ADK: variants seen among roughly 807,000 people sequenced by gnomAD.
The protein encoded by ADK is N6,N6-dimethyladenosine kinase.
A neutral mutation model predicts 44.7 loss-of-function variants in ADK; 24 were observed. The ratio of observed to expected loss-of-function variants is 0.54; its 90% CI spans 0.39 to 0.76. The LOEUF (loss-of-function observed/expected upper bound fraction) is 0.76, where lower values mean the gene tolerates loss of function less well. ADK is among the 30% of genes least tolerant of loss of function. The pLI is 0.00. For missense variants in ADK, 321 were observed against 425.1 expected, an observed-to-expected ratio of 0.76 and a Z score of 2.15; for synonymous variants, 128 against 142.6, an observed-to-expected ratio of 0.90 and a Z score of 0.73.
chr10:74,653,762 A>G (rs1326378091), intron 9 of ADK, among the ~76,000 whole-genome samples: 1 of 152,228 alleles, frequency 6.6e-6, no homozygotes, highest in Non-Finnish European at 1.5e-5. Flanking sequence ...TAGACAAGTA[A>G]TCTGTGAATC....
chr10:74,381,200 A>G (rs2132005259), intron 4 of ADK, among the ~76,000 whole-genome samples: 1 of 152,354 alleles, frequency 6.6e-6, no homozygotes, highest in South Asian at 2.1e-4. Context: ...ATTGTTTATT[A>G]TAACTTAAAA....
chr10:74,281,368 G>A (rs1227912278), intron 3 of ADK, among the ~76,000 whole-genome samples: 4 of 152,210 alleles, frequency 2.6e-5, no homozygotes, highest in African/African-American at 7.2e-5. Flanking sequence ...GGCCTTGAGA[G>A]CCAGTTCATT....
At chr10:74,296,816 G>C (rs1055019115) in intron 3 of ADK, among the ~76,000 whole-genome samples, 1 of 151,694 alleles carries the variant, frequency 6.6e-6, no homozygotes, top group Non-Finnish European at 1.5e-5. Flanking sequence ...GGGTTTCTCC[G>C]TGTTAGCCAG....
chr10:74,397,300 G>A (rs971700528), intron 5 of ADK, among the ~76,000 whole-genome samples: 4 of 150,968 alleles, frequency 2.6e-5, no homozygotes, highest in Middle Eastern at 3.4e-3. Flanking sequence ...GAAGAGAATT[G>A]AGGTTTTTTT....
intron 4 of ADK, among the ~76,000 whole-genome samples, chr10:74,322,004 A>C (rs2131823920): frequency 6.6e-6 from 1 of 152,362 alleles, no homozygotes; most frequent in Non-Finnish European, 1.5e-5. Flanking sequence ...TACAGTATTT[A>C]GAAGTTAAAA....
At chr10:74,540,908 A>G (rs1179778969) in intron 7 of ADK, among the ~76,000 whole-genome samples, 1 of 152,268 alleles carries the variant, frequency 6.6e-6, no homozygotes, top group East Asian at 1.9e-4. Context: ...CAGAGAAAAT[A>G]GGAGTCAAGA....
At chr10:74,292,448 A>G (rs1839656279) in intron 3 of ADK, among the ~76,000 whole-genome samples, 1 of 152,190 alleles carries the variant, frequency 6.6e-6, no homozygotes, top group Non-Finnish European at 1.5e-5. Flanking sequence ...TCATAGCAAT[A>G]TTGGAGGATT....
intron 1 of ADK, among the ~76,000 whole-genome samples, chr10:74,157,121 C>T (rs1841767591): frequency 6.6e-6 from 1 of 152,126 alleles, no homozygotes; most frequent in Admixed American, 6.5e-5. Context: ...GGCTGAGCTG[C>T]CAGATGGCTC....
At chr10:74,295,236 C>A (rs866567264) in intron 3 of ADK, among the ~76,000 whole-genome samples, 12 of 151,604 alleles carry the variant, frequency 7.9e-5, no homozygotes, top group Non-Finnish European at 1.3e-4. Context: ...CCAAAGCGGG[C>A]AGATCACCTG....
intron 4 of ADK, among the ~76,000 whole-genome samples, chr10:74,388,813 C>A (rs1246622296): frequency 8.4e-6 from 1 of 119,368 alleles, no homozygotes; most frequent in Non-Finnish European, 2.1e-5. Flanking sequence ...CTAGCCATAG[C>A]CTCAAGGGTT....
Position 74,589,350 on chromosome 10 carries a change from T to C in ADK, c.762+33T>C, listed in dbSNP as rs1252852810. The C allele has an allele frequency of 2.5e-6, 4 of 1,610,238 alleles. No individual in the cohort carries two copies. In the African/African-American group the frequency reaches 5.3e-5, roughly 22 times the overall value. The stretch of plus-strand genomic sequence containing the variant: ...AACCCACAATTGCACACTAAACAGA[T>C]CCTAAAGGTTTTTTCTAGCTGATAA... On this transcript the variant is annotated intron_variant, in intron 8 of 10. Transcript: ENST00000539909.
At chr10:74,402,678 A>G (rs1843760974) in intron 6 of ADK, among the ~76,000 whole-genome samples, 1 of 151,978 alleles carries the variant, frequency 6.6e-6, no homozygotes, top group South Asian at 2.1e-4. Flanking sequence ...CTTCTTTTAG[A>G]TGGGTTCGAA....
rs1846962937 is a variant in ADK, at chr10:74,282,093, T to C, written c.195-32574T>C. 2.6e-5 allele frequency among the ~76,000 whole-genome samples: 4 copies of C among 152,358 alleles called. No homozygotes were observed. In the South Asian group the frequency reaches 8.3e-4, roughly 32 times the overall value. The stretch of plus-strand genomic sequence containing the variant: ...TTGATAGCAGTGTTACATTTTTAAT[T>C]AATATTTTAGATGTAAAAGGTGACA... On this transcript the variant is annotated intron_variant, in intron 3 of 10. Transcript: ENST00000539909.
chr10:74,188,553 C>A (rs540287097), intron 1 of ADK, among the ~76,000 whole-genome samples: 1 of 151,750 alleles, frequency 6.6e-6, no homozygotes, highest in African/African-American at 2.4e-5. Context: ...GGGGTTTCAC[C>A]GTGTTAGCCA....
At chr10:74,605,487 A>G (rs745996792) in intron 9 of ADK, among the ~76,000 whole-genome samples, 33 of 152,206 alleles carry the variant, frequency 2.2e-4, no homozygotes, top group Non-Finnish European at 2.5e-4. Flanking sequence ...CCTTTTCTGC[A>G]TCTATTGAGG....
chr10:74,268,452 G>A (rs1447418887), intron 3 of ADK, among the ~76,000 whole-genome samples: 1 of 150,558 alleles, frequency 6.6e-6, no homozygotes, highest in Non-Finnish European at 1.5e-5. Context: ...TATTAGTTGT[G>A]TGACTTCTCA....
chr10:74,633,251 A>T (rs1853503103), intron 9 of ADK, among the ~76,000 whole-genome samples: 1 of 152,116 alleles, frequency 6.6e-6, no homozygotes, highest in African/African-American at 2.4e-5. Context: ...AGCTATACAC[A>T]TTGTTCCACA....
At chr10:74,210,500 G>A (rs1843775623) in intron 2 of ADK, among the ~76,000 whole-genome samples, 1 of 151,902 alleles carries the variant, frequency 6.6e-6, no homozygotes, top group Admixed American at 6.6e-5. Flanking sequence ...AACCTAAAAT[G>A]CCCGAAGTAG....
At chr10:74,518,087 A>G (rs1008342754) in intron 6 of ADK, among the ~76,000 whole-genome samples, 5 of 152,364 alleles carry the variant, frequency 3.3e-5, no homozygotes, top group African/African-American at 9.6e-5. Flanking sequence ...TGTAGGACCC[A>G]TTAAGAGGAA....
Sources: gnomAD v4.1 joint callset for allele counts (sites outside exome capture counted in the v4.1 genomes callset) on GRCh38, gnomAD v4.1.1 for gene constraint, MANE v1.5 for transcripts, NCBI Gene and HGNC (gene_info 2026-07-23, HGNC 2026-07-21) for gene names.